Variants in CUX1 observed in about 807,000 individuals in gnomAD.
CUX1 encodes cut like homeobox 1, also known as protein CASP.
CUX1 carries 31 observed loss-of-function variants against 158.8 expected under a neutral mutation model. The ratio of observed to expected loss-of-function variants is 0.20; its 90% CI spans 0.15 to 0.26. CUX1 has a LOEUF of 0.26. CUX1 is among the 10% of genes least tolerant of loss of function. The pLI, the probability that CUX1 is intolerant of heterozygous loss-of-function variation, is 1.00. For missense variants in CUX1, 1,589 were observed against 2,014.6 expected, an observed-to-expected ratio of 0.79 and a Z score of 4.04; for synonymous variants, 879 against 862.1, an observed-to-expected ratio of 1.02 and a Z score of -0.34.
At chr7:102,018,945 C>T (rs1819004662) in intron 2 of CUX1, among the ~76,000 whole-genome samples, 1 of 152,128 alleles carries the variant, frequency 6.6e-6, no homozygotes. Context: ...ATAGTTTTGA[C>T]CTTGTGGATC....
intron 2 of CUX1, among the ~76,000 whole-genome samples, chr7:101,999,038 G>A (rs1455192078): frequency 1.3e-5 from 2 of 151,886 alleles, no homozygotes; most frequent in Non-Finnish European, 2.9e-5. Flanking sequence ...GGCCTCCATC[G>A]TGCCACCAGA....
rs142243183 is a variant in CUX1 at position 102,200,603 on chromosome 7, G to A, written c.2062+431G>A. ...TGATCCTCCCACCTCGGCCTCCCAC[G>A]GTGCTGGGATTACAGGTGTGAGCCA... On this transcript the variant is annotated intron_variant, in intron 17 of 23. Transcript: ENST00000292535. Among the ~76,000 whole-genome samples, 688 of 152,188 alleles carry A rather than the reference G, an allele frequency of 4.5e-3. 5 individuals are homozygous for A. Among genetic ancestry groups the A allele is most frequent in the African/African-American group, 0.016 (664 of 41,534 alleles).
At position 102,201,939 on chromosome 7, in the gene CUX1, A is replaced by T. The variant is rs782697960; in HGVS notation, c.2642A>T (p.Glu881Val). The change falls in exon 18 of 24, where the codon GAG (glutamate) becomes GTG (valine). Residue 881 changes from glutamate to valine, a missense_variant. This residue lies in a region of CUX1 where 337 missense variants were observed against 409.3 expected (regional missense o/e 0.82). Coordinates refer to ENST00000292535, the MANE Select transcript of CUX1 (RefSeq NM_181552.4). The surrounding 1 kb of genome is among the most constrained non-coding windows in gnomAD (Gnocchi z 5.0). Reference protein sequence around the residue: ...QGPSSSEYWKEWPSAESPYSQ... With the variant: ...QGPSSSEYWKVWPSAESPYSQ... ...CCCTCGTCGTCAGAGTACTGGAAGG[A>T]GTGGCCCAGCGCTGAGTCCCCATAC... is the stretch of plus-strand genomic sequence containing the variant. 6.2e-7 allele frequency: 1 copy of T among 1,614,048 alleles called. No homozygotes were observed. Among genetic ancestry groups the T allele is most frequent in the South Asian group, 1.1e-5 (1 of 91,078 alleles).
At chr7:102,127,785 T>A (rs1832806983) in intron 8 of CUX1, among the ~76,000 whole-genome samples, 1 of 152,212 alleles carries the variant, frequency 6.6e-6, no homozygotes, top group Admixed American at 6.6e-5. Flanking sequence ...CCCTGTTCTT[T>A]CTATGCCTTC....
At position 102,256,504 on chromosome 7, in the gene CUX1, TG is replaced by T. The variant is rs1271904670; in HGVS notation, c.*7468del. On this transcript the variant is annotated 3_prime_UTR_variant, in exon 24 of 24. Coordinates refer to ENST00000292535, the MANE Select transcript of CUX1 (RefSeq NM_181552.4). ...GAACCAAGGCGTCTGGGGGATTGAC[TG>T]GGGGGCAGAGGGGGTTTCCCCAGCA... is the stretch of plus-strand genomic sequence containing the variant. The T allele has an allele frequency of 9.1e-6, 9 of 985,384 alleles. No homozygotes were observed. In the East Asian group the frequency reaches 1.0e-3, roughly 112 times the overall value. 61.0% of individuals were successfully genotyped at this position (985,384 alleles called of 1,614,324 possible). A position where few individuals can be genotyped will look rare whatever the true frequency, so the allele number is the denominator to read the frequency against.
At chr7:102,267,804 C>T (rs1554545376) in intron 14 of CUX1, among the ~76,000 whole-genome samples, 1 of 152,100 alleles carries the variant, frequency 6.6e-6, no homozygotes, top group Non-Finnish European at 1.5e-5. Context: ...GTAGCTGGGA[C>T]CACAGGTGCA....
chr7:102,160,487 T>C (rs1790313805), intron 9 of CUX1, among the ~76,000 whole-genome samples: 1 of 152,126 alleles, frequency 6.6e-6, no homozygotes, highest in Non-Finnish European at 1.5e-5. Flanking sequence ...AGCCACTCGG[T>C]GGACCCCAGT....
intron 11 of CUX1, among the ~76,000 whole-genome samples, chr7:102,180,633 CTTT>C (rs57798951): frequency 1.4e-5 from 2 of 142,116 alleles, no homozygotes; most frequent in Non-Finnish European, 3.1e-5. Flanking sequence ...GGCCCAATGT[CTTT>C]TTTTTTTTTT....
intron 20 of CUX1, among the ~76,000 whole-genome samples, chr7:102,212,932 G>A (rs1040723206): frequency 2.0e-5 from 3 of 152,160 alleles, no homozygotes; most frequent in East Asian, 3.9e-4. Context: ...TGCAGCCTCC[G>A]CCTTCCGAGT....
intron 3 of CUX1, among the ~76,000 whole-genome samples, chr7:102,028,859 T>C (rs1199857860): frequency 1.3e-5 from 2 of 152,184 alleles, no homozygotes; most frequent in Admixed American, 1.3e-4. Flanking sequence ...CTTGCGGATT[T>C]ATTGAATCTC....
chr7:102,205,801 C>T (rs759233090), intron 20 of CUX1, among the ~76,000 whole-genome samples: 2 of 152,122 alleles, frequency 1.3e-5, no homozygotes, highest in Non-Finnish European at 2.9e-5. Context: ...TCCAACCACA[C>T]TTGTTCTCTT....
At chr7:102,054,822 T>A (rs1368438099) in intron 3 of CUX1, among the ~76,000 whole-genome samples, 1 of 152,062 alleles carries the variant, frequency 6.6e-6, no homozygotes, top group Admixed American at 6.6e-5. Context: ...AAGTTAAAGA[T>A]TAGCCAAGCA....
intron 2 of CUX1, among the ~76,000 whole-genome samples, chr7:102,002,463 T>C (rs1816791695): frequency 6.6e-6 from 1 of 152,244 alleles, no homozygotes; most frequent in Admixed American, 6.5e-5. Context: ...CTTTTCACCC[T>C]GTATTTTCTC....
intron 8 of CUX1, among the ~76,000 whole-genome samples, chr7:102,143,754 A>G (rs1834720819): frequency 6.6e-6 from 1 of 152,190 alleles, no homozygotes; most frequent in South Asian, 2.1e-4. Context: ...GGTGGACCGC[A>G]CAGGACGGCC....
chr7:101,927,571 G>A (rs773356474), intron 2 of CUX1, among the ~76,000 whole-genome samples: 1 of 152,084 alleles, frequency 6.6e-6, no homozygotes, highest in African/African-American at 2.4e-5. Context: ...GATCCCTTGA[G>A]CCCAGGAGTT....
At chr7:101,832,005 C>T (rs1440967714) in intron 1 of CUX1, among the ~76,000 whole-genome samples, 22 of 152,246 alleles carry the variant, frequency 1.4e-4, no homozygotes, top group African/African-American at 4.3e-4. Flanking sequence ...CCTTAGCCTC[C>T]GAAAGTGCTG....
At chr7:102,272,737 C>T (rs1334321517) in intron 14 of CUX1, among the ~76,000 whole-genome samples, 1 of 152,200 alleles carries the variant, frequency 6.6e-6, no homozygotes, top group African/African-American at 2.4e-5. Flanking sequence ...AAAGATGACC[C>T]TGGCACCTGG....
chr7:102,218,248 C>T (rs537376800), intron 20 of CUX1, among the ~76,000 whole-genome samples: 22 of 152,330 alleles, frequency 1.4e-4, no homozygotes, highest in South Asian at 6.2e-4. Flanking sequence ...GCCTTGCTCA[C>T]GGCTGTACCC....
chr7:101,932,738 GCCGC>G, intron 2 of CUX1: 1 of 390,878 alleles, frequency 2.6e-6, no homozygotes, highest in Admixed American at 3.0e-5. Context: ...TGATTGCTTT[GCCGC>G]CATCAAGAAA....
Sources: gnomAD v4.1 joint callset for allele counts (sites outside exome capture counted in the v4.1 genomes callset) on GRCh38, gnomAD v4.1.1 for gene constraint, gnomAD v4.1.1 regional missense constraint, Gnocchi (gnomAD v3.1) non-coding constraint, MANE v1.5 for transcripts, NCBI Gene and HGNC (gene_info 2026-07-23, HGNC 2026-07-21) for gene names.